The following GABRA2 variants were observed in gnomAD, a reference collection of about 807,000 sequenced individuals.
The protein encoded by GABRA2 is gamma-aminobutyric acid receptor subunit alpha-2.
In GABRA2, 16 loss-of-function variants were observed where a neutral mutation model predicts 48.7. That is an observed-to-expected ratio of 0.33 (90% CI 0.22 to 0.50). The LOEUF is 0.50. Ranked by LOEUF, GABRA2 falls within the 20% of genes least tolerant of loss-of-function variation. The pLI, the probability that GABRA2 is intolerant of heterozygous loss-of-function variation, is 0.98. For synonymous variants in GABRA2, 185 were observed against 184.5 expected (o/e 1.00, Z -0.02); for missense variants, 275 against 535.6 (o/e 0.51, Z 4.80).
intron 9 of GABRA2, chr4:46,256,063 C>G (rs982554385): frequency 2.3e-6 from 1 of 427,200 alleles, no homozygotes; most frequent in Non-Finnish European, 4.2e-6. Flanking sequence ...TCTACCATAC[C>G]ATGTTGCCTT....
At chr4:46,260,320 A>T (rs1451373651) in intron 9 of GABRA2, among the ~76,000 whole-genome samples, 1 of 151,906 alleles carries the variant, frequency 6.6e-6, no homozygotes, top group Non-Finnish European at 1.5e-5. Context: ...TTTGACATAG[A>T]TTTATCCTGG....
intron 8 of GABRA2, among the ~76,000 whole-genome samples, chr4:46,296,668 G>GA (rs764729572): frequency 5.2e-4 from 71 of 135,854 alleles, no homozygotes; most frequent in East Asian, 3.5e-3. Flanking sequence ...AAAAAAAAAA[G>GA]AAAAAAAAAA....
At chr4:46,264,142 C>A (rs928769955) in intron 8 of GABRA2, among the ~76,000 whole-genome samples, 1 of 108,076 alleles carries the variant, frequency 9.3e-6, no homozygotes, top group African/African-American at 4.1e-5. Context: ...TGCTTATGTA[C>A]AAAAACACAA....
chr4:46,297,432 T>C (rs1724928976), intron 8 of GABRA2, among the ~76,000 whole-genome samples: 4 of 145,710 alleles, frequency 2.7e-5, no homozygotes, highest in Admixed American at 1.4e-4. Context: ...TGGCCTATTG[T>C]GGGACCTTGT....
chr4:46,364,637 C>CAGGGA (rs1713753469), intron 3 of GABRA2: 1 of 152,210 alleles, frequency 6.6e-6, no homozygotes, highest in African/African-American at 2.4e-5. Context: ...TGCTGGCTGT[C>CAGGGA]AAGTCTCATC....
At chr4:46,272,859 A>G (rs890319581) in intron 8 of GABRA2, among the ~76,000 whole-genome samples, 1 of 152,030 alleles carries the variant, frequency 6.6e-6, no homozygotes, top group Non-Finnish European at 1.5e-5. Flanking sequence ...CTGTTTGATT[A>G]TGCTAAGGTA....
At chr4:46,377,428 C>G (rs1436782505) in intron 3 of GABRA2, among the ~76,000 whole-genome samples, 1 of 151,280 alleles carries the variant, frequency 6.6e-6, no homozygotes, top group South Asian at 2.1e-4. Context: ...CCAGCCGCCC[C>G]GTCTGAGAAG....
chr4:46,251,061 T>A (rs1168300789), intron 9 of GABRA2, among the ~76,000 whole-genome samples: 1 of 151,536 alleles, frequency 6.6e-6, no homozygotes, highest in Non-Finnish European at 1.5e-5. Flanking sequence ...CATATAGCAA[T>A]GCTTTACTCA....
intron 3 of GABRA2, among the ~76,000 whole-genome samples, chr4:46,342,674 G>A (rs1733469694): frequency 6.6e-6 from 1 of 151,936 alleles, no homozygotes; most frequent in African/African-American, 2.4e-5. Context: ...TAGAGAAAAG[G>A]TCTTACTCTG....
chr4:46,302,114 G>A (rs1725848379), intron 8 of GABRA2, among the ~76,000 whole-genome samples: 1 of 151,344 alleles, frequency 6.6e-6, no homozygotes, highest in Non-Finnish European at 1.5e-5. Flanking sequence ...TGTCACTCAG[G>A]CTGGAGTGCA....
intron 3 of GABRA2, among the ~76,000 whole-genome samples, chr4:46,351,127 A>G (rs1159714235): frequency 1.1e-5 from 1 of 91,858 alleles, no homozygotes; most frequent in African/African-American, 5.5e-5. Context: ...TTAAAAAAAA[A>G]GGAAGACGGG....
intron 3 of GABRA2, among the ~76,000 whole-genome samples, chr4:46,354,269 A>G (rs1735627868): frequency 6.6e-6 from 1 of 152,284 alleles, no homozygotes; most frequent in East Asian, 1.9e-4. Context: ...TTGGATGTTA[A>G]CTGCTGTGAC....
chr4:46,313,175 A>G, intron 4 of GABRA2, among the ~76,000 whole-genome samples: 1 of 150,358 alleles, frequency 6.7e-6, no homozygotes, highest in East Asian at 1.9e-4. Flanking sequence ...TAAAAATTAA[A>G]AAGAAAAAAC....
chr4:46,335,217 C>T (rs955783528), intron 3 of GABRA2, among the ~76,000 whole-genome samples: 2 of 152,064 alleles, frequency 1.3e-5, no homozygotes, highest in Non-Finnish European at 2.9e-5. Flanking sequence ...TAGGCTATTT[C>T]CAGTAGAATA....
intron 5 of GABRA2, among the ~76,000 whole-genome samples, chr4:46,311,323 G>A (rs191424359): frequency 6.6e-6 from 1 of 152,146 alleles, no homozygotes; most frequent in Non-Finnish European, 1.5e-5. Flanking sequence ...GGACTGTATT[G>A]TTGTCCCTTC....
intron 8 of GABRA2, among the ~76,000 whole-genome samples, chr4:46,295,267 C>T (rs931817899): frequency 1.3e-5 from 2 of 152,134 alleles, no homozygotes; most frequent in Non-Finnish European, 2.9e-5. Flanking sequence ...GGAAAACTGG[C>T]CAGATGTGCA....
intron 6 of GABRA2, 93 bp from the exon 7 acceptor site, chr4:46,305,804 T>A (rs1249756188): frequency 3.5e-6 from 3 of 862,868 alleles, no homozygotes; most frequent in Admixed American, 5.3e-5. Context: ...ACAATCACTA[T>A]ATACTTTCAA....
chr4:46,270,418 G>T (rs879418673), intron 8 of GABRA2, among the ~76,000 whole-genome samples: 1 of 151,946 alleles, frequency 6.6e-6, no homozygotes, highest in African/African-American at 2.4e-5. Context: ...TACCTGGAAA[G>T]CTCACAAACC....
chr4:46,337,028 G>T (rs1339896778), intron 3 of GABRA2, among the ~76,000 whole-genome samples: 1 of 151,858 alleles, frequency 6.6e-6, no homozygotes, highest in African/African-American at 2.4e-5. Context: ...AACTATGAAA[G>T]AACAAAATTG....
Sources: gnomAD v4.1 joint callset for allele counts (sites outside exome capture counted in the v4.1 genomes callset) on GRCh38, gnomAD v4.1.1 for gene constraint, MANE v1.5 for transcripts, NCBI Gene and HGNC (gene_info 2026-07-23, HGNC 2026-07-21) for gene names.